Variants in KLF12 observed in about 807,000 individuals in gnomAD.
The protein encoded by KLF12 is KLF transcription factor 12.
A neutral mutation model predicts 37.8 loss-of-function variants in KLF12; 9 were observed. The ratio of observed to expected loss-of-function variants is 0.24; its 90% confidence interval spans 0.14 to 0.42. The LOEUF is 0.42. Among genes scored for constraint, KLF12 ranks in the 10% least tolerant of loss-of-function variants. The pLI, the probability that KLF12 is intolerant of heterozygous loss-of-function variation, is 1.00. For missense variants in KLF12, 411 were observed against 516.0 expected (o/e 0.80, Z 1.97); for synonymous variants, 208 against 202.1 (o/e 1.03, Z -0.25).
At chr13:73,714,451 C>T (rs1476082946) in intron 7 of KLF12, among the ~76,000 whole-genome samples, 2 of 152,214 alleles carry the variant, frequency 1.3e-5, no homozygotes, top group African/African-American at 4.8e-5. Context: ...CAGTCAGTGG[C>T]AGATGCTGTC....
chr13:74,147,993 C>T, the KLF12 span, among the ~76,000 whole-genome samples: 5 of 151,944 alleles, frequency 3.3e-5, no homozygotes, highest in Non-Finnish European at 5.9e-5. Flanking sequence ...CTCACTGCAA[C>T]CTCGGCCTCT....
chr13:73,904,464 CTTTCCTTT>C (rs1353889475), intron 3 of KLF12, among the ~76,000 whole-genome samples: 1 of 63,016 alleles, frequency 1.6e-5, no homozygotes, highest in Non-Finnish European at 3.5e-5. Flanking sequence ...TGTTTTCTTT[CTTTCCTTT>C]TTTTTTTTTT....
At position 73,944,048 on chromosome 13, in the gene KLF12, C is replaced by T. The variant is rs1890312860; in HGVS notation, c.56G>A (p.Arg19Lys). ...CGGCATCCCATCAAGCATTAACATT[C>T]TGTTCTCAAAGGTGTTGATATTCTG... is the stretch of plus-strand genomic sequence containing the variant. Residue 19 changes from arginine to lysine, a missense_variant, in exon 3 of 8, where the codon AGA becomes AAA. Physicochemically the swap from Arg to Lys is conservative, Grantham distance 26. Coordinates refer to ENST00000377669, the MANE Select transcript of KLF12 (RefSeq NM_007249.5). 1 of 1,610,970 alleles carries T rather than the reference C, an allele frequency of 6.2e-7. No individual in the cohort carries two copies. Among genetic ancestry groups the T allele is most frequent in the African/African-American group, 1.3e-5 (1 of 74,854 alleles).
the KLF12 span, among the ~76,000 whole-genome samples, chr13:74,147,576 T>A: frequency 6.6e-6 from 1 of 152,064 alleles, no homozygotes; most frequent in Non-Finnish European, 1.5e-5. Flanking sequence ...GGAACATGAG[T>A]TTCGAAATGC....
intron 1 of KLF12, among the ~76,000 whole-genome samples, chr13:74,111,412 A>G (rs1355526848): frequency 6.6e-6 from 1 of 152,178 alleles, no homozygotes; most frequent in Non-Finnish European, 1.5e-5. Flanking sequence ...GACATCAAAA[A>G]TGAATCACCT....
At chr13:74,167,526 G>A in the KLF12 span, among the ~76,000 whole-genome samples, 1 of 152,072 alleles carries the variant, frequency 6.6e-6, no homozygotes, top group Admixed American at 6.5e-5. Context: ...AATTTTGATG[G>A]GATTCAAAGT....
the KLF12 span, among the ~76,000 whole-genome samples, chr13:74,226,588 A>G: frequency 2.0e-5 from 3 of 152,184 alleles, no homozygotes; most frequent in Non-Finnish European, 2.9e-5. Flanking sequence ...TATGGCCTTC[A>G]GTTAAAAAAA....
At position 74,122,255 on chromosome 13, in the gene KLF12, A is replaced by T. The variant is rs545445839; in HGVS notation, c.-32+11484T>A. ...CAAAAGGACAATAACCAATTTTTTT[A>T]AATGGGCAAAGAATATGAAAGGACA... On this transcript the variant is annotated intron_variant, in intron 1 of 7. Transcript: ENST00000377669. 1.5e-3 allele frequency among the ~76,000 whole-genome samples: 226 copies of T among 152,254 alleles called. 2 individuals carry two copies. The highest frequency in any genetic ancestry group is 5.3e-3 in the African/African-American group (221 of 41,586).
In KLF12 at chr13:74,065,443, C is replaced by T. The variant is rs530287897; in HGVS notation, c.-32+68296G>A. On this transcript the variant is annotated intron_variant, in intron 1 of 7. Coordinates refer to ENST00000377669, the MANE Select transcript of KLF12 (RefSeq NM_007249.5). ...CAATGAAGTAATTTATCTGGATCTT[C>T]ATTTACCTCTATAAGAGTCCCCCAA... is the stretch of plus-strand genomic sequence containing the variant. Among the ~76,000 whole-genome samples the T allele has an allele frequency of 2.0e-4, 23 of 115,458 alleles. No homozygotes were observed. The South Asian group carries it at 8.2e-3, about 41-fold the overall frequency. The allele number at this position is 115,458 out of a possible 152,430, so 75.7% of individuals were successfully genotyped here.
At chr13:74,044,443 G>A (rs534870512) in intron 1 of KLF12, among the ~76,000 whole-genome samples, 17 of 152,184 alleles carry the variant, frequency 1.1e-4, no homozygotes, top group Non-Finnish European at 1.9e-4. Context: ...ATGGGTATGA[G>A]TATGGCACAT....
chr13:73,841,875 C>T (rs1301709558), intron 4 of KLF12, among the ~76,000 whole-genome samples: 1 of 152,136 alleles, frequency 6.6e-6, no homozygotes, highest in Non-Finnish European at 1.5e-5. Flanking sequence ...GAGACGTTTC[C>T]TGACATCCTC....
the KLF12 span, among the ~76,000 whole-genome samples, chr13:74,233,717 G>T: frequency 6.6e-6 from 1 of 152,094 alleles, no homozygotes; most frequent in Non-Finnish European, 1.5e-5. Flanking sequence ...AGAGCAGAGG[G>T]TCTTTTATAA....
At chr13:73,957,875 C>T (rs937452361) in intron 2 of KLF12, among the ~76,000 whole-genome samples, 5 of 152,058 alleles carry the variant, frequency 3.3e-5, no homozygotes, top group African/African-American at 7.2e-5. Context: ...TTAAAAGATA[C>T]GCTGGGCAGT....
At chr13:73,946,213 C>T (rs1890415643) in intron 2 of KLF12, among the ~76,000 whole-genome samples, 1 of 152,040 alleles carries the variant, frequency 6.6e-6, no homozygotes, top group Non-Finnish European at 1.5e-5. Context: ...AAGAAGATGC[C>T]TTATAAGGAA....
the KLF12 span, among the ~76,000 whole-genome samples, chr13:74,221,196 C>T: frequency 8.6e-5 from 13 of 151,988 alleles, no homozygotes; most frequent in Non-Finnish European, 4.4e-5. Context: ...TTCGTAGAGA[C>T]GGGGTTTCAC....
At chr13:73,739,538 T>A (rs370726819) in intron 6 of KLF12, among the ~76,000 whole-genome samples, 3 of 152,096 alleles carry the variant, frequency 2.0e-5, no homozygotes, top group African/African-American at 7.2e-5. Flanking sequence ...AATAAAAAAA[T>A]TAATGAGTAT....
chr13:73,785,052 A>G (rs1265059126), intron 5 of KLF12, among the ~76,000 whole-genome samples: 1 of 151,966 alleles, frequency 6.6e-6, no homozygotes, highest in Non-Finnish European at 1.5e-5. Context: ...GCTACTCCAG[A>G]GAAATTAGTC....
At chr13:73,719,890 T>C (rs891392891) in intron 6 of KLF12, among the ~76,000 whole-genome samples, 1 of 152,116 alleles carries the variant, frequency 6.6e-6, no homozygotes, top group Non-Finnish European at 1.5e-5. Flanking sequence ...TAAACCACCA[T>C]GCCCGGCCAA....
intron 2 of KLF12, among the ~76,000 whole-genome samples, chr13:73,986,937 T>C (rs1891840799): frequency 6.6e-6 from 1 of 151,404 alleles, no homozygotes; most frequent in African/African-American, 2.4e-5. Flanking sequence ...GATAAATTTG[T>C]GTTTTTTTTT....
Sources: gnomAD v4.1 joint callset for allele counts (sites outside exome capture counted in the v4.1 genomes callset) on GRCh38, gnomAD v4.1.1 for gene constraint, MANE v1.5 for transcripts, NCBI Gene and HGNC (gene_info 2026-07-23, HGNC 2026-07-21) for gene names.